Variants in PARP16 observed in about 807,000 individuals in gnomAD.
PARP16 encodes the protein poly(ADP-ribose) polymerase family member 16.
In PARP16, 31 loss-of-function variants were observed where a neutral mutation model predicts 35.0. The observed-to-expected ratio is 0.88, with a 90% CI of 0.66 to 1.19. The LOEUF is 1.19. Among genes scored for constraint, PARP16 ranks in the 50% most tolerant of loss-of-function variants. The probability of loss-of-function intolerance (pLI) is 0.00; values close to 1 mark genes in which losing one functional copy is unlikely to be tolerated. For synonymous variants in PARP16, 162 were observed against 169.5 expected (o/e 0.96, Z 0.34); for missense variants, 424 against 411.2 (o/e 1.03, Z -0.27).
rs1435893073 is a variant in PARP16, at chr15:65,266,469, C to T, written c.519+93G>A. The T allele has an allele frequency of 2.8e-6, 3 of 1,078,394 alleles. No individual in the cohort carries two copies. The African/African-American group carries it at 4.7e-5, about 17-fold the overall frequency. The allele number at this position is 1,078,394 out of a possible 1,614,324, so 66.8% of individuals were successfully genotyped here. ...CGTTAGTAAACCTACCCGACCCCAC[C>T]TGCAAACTCCTAGGGTTCTGAATCT... On this transcript the variant is annotated intron_variant, in intron 3 of 5. Transcript: ENST00000649807.
rs369090344 is a variant in PARP16, at chr15:65,259,392, C to T, written c.*15G>A. 1.5e-5 allele frequency: 24 copies of T among 1,613,854 alleles called. No homozygotes were observed. Among genetic ancestry groups the T allele is most frequent in the Admixed American group, 1.0e-4 (6 of 59,996 alleles). Reference sequence around the variant, plus strand: ...GCACATAGTTGAGGTAGCCCCCACACCAGGCCCAGAAAGATTATCTTTTCG... The same window carrying T: ...GCACATAGTTGAGGTAGCCCCCACATCAGGCCCAGAAAGATTATCTTTTCG... On this transcript the variant is annotated 3_prime_UTR_variant, in exon 6 of 6. Coordinates refer to ENST00000649807, the MANE Select transcript of PARP16 (RefSeq NM_001316943.2).
Position 65,286,563 on chromosome 15 carries a change from G to A in PARP16, c.-137C>T, listed in dbSNP as rs1482838226. On this transcript the variant is annotated 5_prime_UTR_variant, in exon 1 of 6. Coordinates refer to ENST00000649807, the MANE Select transcript of PARP16 (RefSeq NM_001316943.2). ...CCAAGCCTGGGGTGGAGCTAGGCAGGGGGCTGAGATGACAGGGGTGAGAAC... is the reference window on the plus strand; with the variant it reads ...CCAAGCCTGGGGTGGAGCTAGGCAGAGGGCTGAGATGACAGGGGTGAGAAC... 5.5e-5 allele frequency: 33 copies of A among 596,752 alleles called. No individual in the cohort carries two copies. Among genetic ancestry groups the A allele is most frequent in the Non-Finnish European group, 8.0e-5 (29 of 364,210 alleles). The allele number at this position is 596,752 out of a possible 1,614,324, so 37.0% of individuals were successfully genotyped here.
At chr15:65,245,396 A>G (rs1025597117) in intron 3 of PARP16, among the ~76,000 whole-genome samples, 1 of 152,172 alleles carries the variant, frequency 6.6e-6, no homozygotes, top group African/African-American at 2.4e-5. Flanking sequence ...GCCACTCCTT[A>G]CAACTGAAGT....
chr15:65,274,246 CTTTTT>C (rs112213715), intron 1 of PARP16, among the ~76,000 whole-genome samples: 8 of 140,240 alleles, frequency 5.7e-5, no homozygotes, highest in Non-Finnish European at 1.1e-4. Flanking sequence ...GCCCAGCATA[CTTTTT>C]TTTTTTTTTT....
chr15:65,251,921 C>T (rs912543435), intron 2 of PARP16, among the ~76,000 whole-genome samples: 14 of 152,190 alleles, frequency 9.2e-5, no homozygotes, highest in East Asian at 1.9e-4. Flanking sequence ...CCCACCACCC[C>T]GCCCGGCTAA....
At chr15:65,278,402 T>A (rs910432434) in intron 1 of PARP16, among the ~76,000 whole-genome samples, 1 of 152,190 alleles carries the variant, frequency 6.6e-6, no homozygotes, top group South Asian at 2.1e-4. Context: ...AGGCAACACA[T>A]CTGCAGCCTC....
intron 3 of PARP16, among the ~76,000 whole-genome samples, chr15:65,247,133 G>A (rs1035119243): frequency 6.6e-6 from 1 of 151,928 alleles, no homozygotes; most frequent in South Asian, 2.1e-4. Context: ...CAGGACTATC[G>A]GCACAGGTCA....
intron 5 of PARP16, among the ~76,000 whole-genome samples, chr15:65,259,782 C>T (rs1418846176): frequency 6.6e-6 from 1 of 152,226 alleles, no homozygotes; most frequent in Non-Finnish European, 1.5e-5. Flanking sequence ...TGAGCTCATC[C>T]TGATCTTCCC....
downstream of PARP16, among the ~76,000 whole-genome samples, chr15:65,255,743 G>GAAAAAAAAAAAA (rs56665485): frequency 6.7e-4 from 38 of 57,114 alleles, no homozygotes; most frequent in East Asian, 2.0e-3. Flanking sequence ...AGAAAACTCA[G>GAAAAAAAAAAAA]AAAAAAAAAA....
At chr15:65,267,853 C>A (rs2089958427) in intron 2 of PARP16, among the ~76,000 whole-genome samples, 1 of 151,356 alleles carries the variant, frequency 6.6e-6, no homozygotes, top group South Asian at 2.1e-4. Flanking sequence ...CCACCCCTGG[C>A]TAATTTTTTT....
chr15:65,239,904 C>T (rs547190400), intron 3 of PARP16, among the ~76,000 whole-genome samples: 1 of 147,258 alleles, frequency 6.8e-6, no homozygotes, highest in South Asian at 2.1e-4. Context: ...GATCCGCTCA[C>T]CTCGGCCTCC....
chr15:65,254,479 C>G (rs1265735376), downstream of PARP16, among the ~76,000 whole-genome samples: 1 of 151,848 alleles, frequency 6.6e-6, no homozygotes, highest in Non-Finnish European at 1.5e-5. Flanking sequence ...CATCCAGAGG[C>G]AGGAGACTGA....
chr15:65,270,259 C>G (rs142266767), intron 2 of PARP16, among the ~76,000 whole-genome samples: 70 of 152,334 alleles, frequency 4.6e-4, no homozygotes, highest in African/African-American at 1.6e-3. Context: ...GCAAGGTAAA[C>G]CAAATTATGG....
chr15:65,275,661 G>A (rs2090231629), intron 1 of PARP16, among the ~76,000 whole-genome samples: 1 of 152,014 alleles, frequency 6.6e-6, no homozygotes, highest in African/African-American at 2.4e-5. Context: ...CATCTCAAAT[G>A]ATCCTGTGAA....
At chr15:65,247,223 G>A (rs1260998413) in intron 3 of PARP16, among the ~76,000 whole-genome samples, 1 of 152,164 alleles carries the variant, frequency 6.6e-6, no homozygotes, top group East Asian at 1.9e-4. Flanking sequence ...TCGAACTCCT[G>A]ACCTCAAGTG....
chr15:65,252,900 G>T (rs888528868), intron 2 of PARP16, among the ~76,000 whole-genome samples: 3 of 152,146 alleles, frequency 2.0e-5, no homozygotes, highest in Non-Finnish European at 2.9e-5. Context: ...AGGTCAAGGT[G>T]GGCAGATCAC....
At chr15:65,282,376 T>C (rs2090445505) in intron 1 of PARP16, among the ~76,000 whole-genome samples, 1 of 152,218 alleles carries the variant, frequency 6.6e-6, no homozygotes, top group African/African-American at 2.4e-5. Context: ...GCCAGTCCAT[T>C]CCAGACCTGA....
At chr15:65,275,126 A>AT (rs1375575703) in intron 1 of PARP16, among the ~76,000 whole-genome samples, 4 of 151,880 alleles carry the variant, frequency 2.6e-5, no homozygotes, top group Non-Finnish European at 5.9e-5. Context: ...AAAAAAAAAA[A>AT]GCAGCATTCA....
chr15:65,235,915 T>C (rs1236549176), intron 3 of PARP16, among the ~76,000 whole-genome samples: 2 of 142,720 alleles, frequency 1.4e-5, no homozygotes, highest in African/African-American at 5.3e-5. Context: ...CAGGCTGGAG[T>C]GCAGTGGCAC....
Sources: gnomAD v4.1 joint callset for allele counts (sites outside exome capture counted in the v4.1 genomes callset) on GRCh38, gnomAD v4.1.1 for gene constraint, MANE v1.5 for transcripts, NCBI Gene and HGNC (gene_info 2026-07-23, HGNC 2026-07-21) for gene names.